CPN2: variants seen among roughly 807,000 people sequenced by gnomAD.
CPN2 encodes the protein carboxypeptidase N 83 kDa chain.
For missense variants in CPN2, 620 were observed against 671.4 expected (o/e 0.92, Z 0.85); for synonymous variants, 336 against 318.4 (o/e 1.06, Z -0.59).
Position 194,342,365 on chromosome 3 carries a change from C to G in CPN2, c.338G>C (p.Ser113Thr), listed in dbSNP as rs2108647014. 1 of 1,614,158 alleles carries G rather than the reference C, an allele frequency of 6.2e-7. No individual in the cohort carries two copies. Among genetic ancestry groups the G allele is most frequent in the East Asian group, 2.2e-5 (1 of 44,868 alleles). ...GGTCAGGTTGGAGAAGATGTTGGTG[C>G]TGAGGTTCAAGAAGCTACTGCCTGT... ...EVTGSSFLNL[S>T]TNIFSNLTSL... Residue 113 changes from serine (S) to threonine (T), a missense_variant, in exon 2 of 2, where the codon AGC becomes ACC. Transcript: ENST00000323830.
chr3:194,349,918 C>T (rs946854018), intron 1 of CPN2, among the ~76,000 whole-genome samples: 8 of 150,650 alleles, frequency 5.3e-5, no homozygotes, highest in Admixed American at 1.3e-4. Flanking sequence ...TCTCCTGCCT[C>T]AGCCTCCCGA....
intron 1 of CPN2, among the ~76,000 whole-genome samples, chr3:194,346,535 G>A (rs980682562): frequency 5.3e-5 from 8 of 152,216 alleles, no homozygotes; most frequent in South Asian, 2.1e-4. Context: ...CACCTCACTC[G>A]GGAGTGGCTA....
chr3:194,342,150 G>C lies in CPN2; in HGVS notation c.553C>G (p.Pro185Ala). The C allele has an allele frequency of 6.2e-7, 1 of 1,614,104 alleles. No homozygotes were observed. Among genetic ancestry groups the C allele is most frequent in the Non-Finnish European group, 8.5e-7 (1 of 1,179,988 alleles). The stretch of plus-strand genomic sequence containing the variant: ...GTGAGTGGGTGGAACAGCTCCTCCG[G>C]GAGCTGGGCCAGGAGGTTCTGGGCC... ...NLAQNLLAQL[P>A]EELFHPLTSL... is the part of the protein sequence containing the mutation. Residue 185 changes from proline (P) to alanine (A), a missense_variant, in exon 2 of 2, where the codon CCG becomes GCG. Coordinates refer to ENST00000323830, the MANE Select transcript of CPN2 (RefSeq NM_001080513.4).
At position 194,342,547 on chromosome 3, in the gene CPN2, TTTCGTATA is replaced by T; in HGVS notation, c.148_155del (p.Tyr50LysfsTer20). The T allele has an allele frequency of 6.2e-7, 1 of 1,614,094 alleles. No homozygotes were observed. Among genetic ancestry groups the T allele is most frequent in the Non-Finnish European group, 8.5e-7 (1 of 1,180,010 alleles). On this transcript the variant is annotated frameshift_variant, in exon 2 of 2. Coordinates refer to ENST00000323830, the MANE Select transcript of CPN2 (RefSeq NM_001080513.4). LOFTEE classifies it low-confidence loss of function (END_TRUNC). Reference sequence around the variant, plus strand: ...ACGAGGTCTCCACAAAGATGATGTTTTTCGTATATGGCGGGATGTCCAGTGGGACGGTG... The same window carrying T: ...ACGAGGTCTCCACAAAGATGATGTTTTGGCGGGATGTCCAGTGGGACGGTG...
In CPN2 at chr3:194,341,130, G is replaced by A. The variant is rs372397956; in HGVS notation, c.1573C>T (p.Leu525=). 6.2e-7 allele frequency: 1 copy of A among 1,613,030 alleles called. No homozygotes were observed. ...CGCAGAGAACCGCAGCTCGACCTCA[G>A]GTCCCACTCCTGACTAGCATTGTAC... The part of the protein sequence containing the change: ...LQYNASQEWD[L]RSSCGSLRLT... The change falls in exon 2 of 2, where the codon CTG becomes TTG. Residue 525 remains leucine, a synonymous_variant. Coordinates refer to ENST00000323830, the MANE Select transcript of CPN2 (RefSeq NM_001080513.4).
At chr3:194,344,434 C>T (rs180964330) in intron 1 of CPN2, among the ~76,000 whole-genome samples, 2 of 152,350 alleles carry the variant, frequency 1.3e-5, no homozygotes, top group African/African-American at 4.8e-5. Flanking sequence ...CAGTGGCTCA[C>T]GCCTGTAATC....
Position 194,342,620 on chromosome 3 carries a change from C to T in CPN2, c.83G>A (p.Cys28Tyr), listed in dbSNP as rs1302183650. 5.6e-6 allele frequency: 9 copies of T among 1,613,766 alleles called. No individual in the cohort carries two copies. The highest frequency in any genetic ancestry group is 1.3e-5 in the African/African-American group (1 of 75,030). ...PAQPCPMGCD[C>Y]FVQEVFCSDE... ...TGAGCAGAACACCTCCTGGACGAAG[C>T]AGTCACAACCCATGGGACAGGGCTG... is the stretch of plus-strand genomic sequence containing the variant. Residue 28 changes from cysteine to tyrosine, a missense_variant, in exon 2 of 2, where the codon TGC (cysteine) becomes TAC (tyrosine). Physicochemically the swap from Cys to Tyr is radical, Grantham distance 194. Transcript: ENST00000323830.
chr3:194,342,465 A>G lies in CPN2; in HGVS notation c.238T>C (p.Phe80Leu), dbSNP rs1309874138. Residue 80 changes from phenylalanine to leucine, a missense_variant, in exon 2 of 2, where the codon TTC becomes CTC. Phe to Leu is a conservative substitution (Grantham distance 22). Transcript: ENST00000323830. ...AACTGGCAGAGCTGAGTGTTGAGGA[A>G]GACCACCTTGGTCAAGTTGGGGTTA... ...GSNPNLTKVV[F>L]LNTQLCQFRP... 2 of 1,614,124 alleles carry G rather than the reference A, an allele frequency of 1.2e-6. No homozygotes were observed. The highest frequency in any genetic ancestry group is 2.2e-5 in the South Asian group (2 of 91,092).
rs764497712 is a variant in CPN2 at position 194,342,709 on chromosome 3, G to A, written c.-3-4C>T. On this transcript the variant is annotated splice_region_variant and splice_polypyrimidine_tract_variant and intron_variant, in intron 1 of 1. Coordinates refer to ENST00000323830, the MANE Select transcript of CPN2 (RefSeq NM_001080513.4). ...GCCAGGCTCCAGGGAGCATCTTCTAGATTCGAGGAGGGAGAGAGAACAGGA... is the reference window on the plus strand; with the variant it reads ...GCCAGGCTCCAGGGAGCATCTTCTAAATTCGAGGAGGGAGAGAGAACAGGA... The A allele has an allele frequency of 8.3e-7, 1 of 1,207,848 alleles. No individual in the cohort carries two copies. The highest frequency in any genetic ancestry group is 2.3e-5 in the East Asian group (1 of 42,698). The allele number at this position is 1,207,848 out of a possible 1,614,324, so 74.8% of individuals were successfully genotyped here.
At chr3:194,351,012 G>A (rs1713247384) in intron 1 of CPN2, among the ~76,000 whole-genome samples, 1 of 152,146 alleles carries the variant, frequency 6.6e-6, no homozygotes, top group Non-Finnish European at 1.5e-5. Flanking sequence ...TGTAGGCCAG[G>A]ACTGGCAGAT....
chr3:194,343,503 G>A (rs1047499984), intron 1 of CPN2, among the ~76,000 whole-genome samples: 6 of 152,328 alleles, frequency 3.9e-5, no homozygotes, highest in African/African-American at 1.4e-4. Flanking sequence ...GGGACAGTGG[G>A]CCCGCATTGC....
intron 1 of CPN2, among the ~76,000 whole-genome samples, chr3:194,345,809 T>C (rs5001413): frequency 0.26 from 39,427 of 152,200 alleles, 5,302 homozygotes; most frequent in Non-Finnish European, 0.29. Context: ...GGGGTGAGGA[T>C]ACCTCTCTGC....
chr3:194,349,835 CTT>C (rs1481982857), intron 1 of CPN2, among the ~76,000 whole-genome samples: 6 of 106,150 alleles, frequency 5.7e-5, no homozygotes, highest in South Asian at 3.7e-4. Flanking sequence ...GAGTTTCACT[CTT>C]GTTTCCCAGG....
At chr3:194,349,733 G>A (rs1713191517) in intron 1 of CPN2, among the ~76,000 whole-genome samples, 2 of 137,262 alleles carry the variant, frequency 1.5e-5, no homozygotes, top group Non-Finnish European at 3.1e-5. Context: ...TCCCAGTCCA[G>A]TGCAAGTCAC....
At chr3:194,350,961 A>G (rs1488125682) in intron 1 of CPN2, among the ~76,000 whole-genome samples, 1 of 152,202 alleles carries the variant, frequency 6.6e-6, no homozygotes, top group Non-Finnish European at 1.5e-5. Context: ...GCCAACCTGG[A>G]CATCTGGTCA....
Position 194,341,594 on chromosome 3 carries a change from T to C in CPN2, c.1109A>G (p.Lys370Arg), listed in dbSNP as rs2108646063. Residue 370 changes from lysine to arginine, a missense_variant, in exon 2 of 2, where the codon AAG becomes AGG. Physicochemically the swap from Lys to Arg is conservative, Grantham distance 26. Coordinates refer to ENST00000323830, the MANE Select transcript of CPN2 (RefSeq NM_001080513.4). The part of the protein sequence containing the change: ...LSKLELLSLS[K>R]NQLTTLPEGI... ...CTCCGGAAGTGTGGTCAGCTGGTTC[T>C]TGGAGAGGCTGAGCAGCTCCAGCTT... 1.2e-6 allele frequency: 2 copies of C among 1,614,152 alleles called. No individual in the cohort carries two copies. Among genetic ancestry groups the C allele is most frequent in the East Asian group, 4.5e-5 (2 of 44,884 alleles).
In CPN2 at chr3:194,342,555, A is replaced by G. The variant is rs772064450; in HGVS notation, c.148T>C (p.Tyr50His). 7.4e-6 allele frequency: 12 copies of G among 1,614,046 alleles called. No homozygotes were observed. The East Asian group carries it at 2.5e-4, about 33-fold the overall frequency. The change falls in exon 2 of 2, where the codon TAT becomes CAT. Residue 50 changes from tyrosine (Y) to histidine (H), a missense_variant. Physicochemically the swap from Tyr to His is moderately conservative, Grantham distance 83 (BLOSUM62 2). Coordinates refer to ENST00000323830, the MANE Select transcript of CPN2 (RefSeq NM_001080513.4). ...TCCACAAAGATGATGTTTTTCGTAT[A>G]TGGCGGGATGTCCAGTGGGACGGTG... ...LATVPLDIPP[Y>H]TKNIIFVETS...
intron 1 of CPN2, among the ~76,000 whole-genome samples, chr3:194,349,785 T>C (rs1468306328): frequency 8.1e-5 from 1 of 12,302 alleles, no homozygotes; most frequent in African/African-American, 6.8e-4. Context: ...CTTCTTTTTT[T>C]TTTTTTTTTT....
In CPN2 at chr3:194,341,654, G is replaced by A. The variant is rs920257407; in HGVS notation, c.1049C>T (p.Thr350Met). 8 of 1,614,064 alleles carry A rather than the reference G, an allele frequency of 5.0e-6. No homozygotes were observed. In the African/African-American group the frequency reaches 5.3e-5, roughly 11 times the overall value. The change falls in exon 2 of 2, where the codon ACG becomes ATG. Residue 350 changes from threonine (T) to methionine (M), a missense_variant. Coordinates refer to ENST00000323830, the MANE Select transcript of CPN2 (RefSeq NM_001080513.4). ...VKLYLGSNNL[T>M]ALHPALFQNL... ...CTGGAAGAGGGCTGGGTGCAGCGCC[G>A]TAAGGTTGTTGCTGCCCAGGTAGAG... is the stretch of plus-strand genomic sequence containing the variant.
Sources: allele counts gnomAD v4.1 joint callset (sites outside exome capture counted in the v4.1 genomes callset), GRCh38; gene constraint gnomAD v4.1.1; transcripts MANE v1.5; gene names NCBI Gene and HGNC (gene_info 2026-07-23, HGNC 2026-07-21).